TTN: variants seen among roughly 807,000 people sequenced by gnomAD.
TTN encodes the protein titin, also known as connectin.
A neutral mutation model predicts 3,223.0 loss-of-function variants in TTN; 1,525 were observed. That is an observed-to-expected ratio of 0.47 (90% CI 0.45 to 0.49). TTN has a LOEUF of 0.49. Ranked by LOEUF, TTN falls within the 20% of genes least tolerant of loss-of-function variation. TTN has a pLI of 0.00. For missense variants in TTN, 40,786 were observed against 43,424.0 expected (o/e 0.94, Z 5.40); for synonymous variants, 14,094 against 15,161.0 (o/e 0.93, Z 5.17).
In TTN at chr2:178,620,910, C is replaced by T. The variant is rs1457956988; in HGVS notation, c.45700G>A (p.Glu15234Lys). 6 of 1,612,526 alleles carry T rather than the reference C, an allele frequency of 3.7e-6. No homozygotes were observed. The East Asian group carries it at 9.0e-5, about 24-fold the overall frequency. Residue 15234 changes from glutamate (E) to lysine (K), a missense_variant, in exon 247 of 363, where the codon GAA becomes AAA. Glu to Lys is a moderately conservative substitution (Grantham distance 56, BLOSUM62 1). Coordinates refer to ENST00000589042, the MANE Select transcript of TTN (RefSeq NM_001267550.2). Reference protein sequence around the residue: ...EVVFNCEVNTEGAKAKWFRNE... With the variant: ...EVVFNCEVNTKGAKAKWFRNE... ...CTGAACCATTTGGCTTTGGCACCTT[C>T]AGTATTGACTTCACAGTTGAAGACA...
intron 7 of TTN, 143 bp downstream of exon 7, chr2:178,794,778 CT>C: frequency 8.5e-7 from 1 of 1,176,314 alleles, no homozygotes. Flanking sequence ...AGCATGACTA[CT>C]GAATTTGGTC....
At chr2:178,688,604 C>A in intron 126 of TTN, 73 bp downstream of exon 126, 1 of 1,020,084 alleles carries the variant, frequency 9.8e-7, no homozygotes, top group South Asian at 1.3e-5. Flanking sequence ...AGTAAACAAT[C>A]ACATGTGGAA....
In TTN at chr2:178,607,596, C is replaced by A; in HGVS notation, c.53092G>T (p.Gly17698Cys). Residue 17698 changes from glycine to cysteine, a missense_variant, in exon 277 of 363, where the codon GGT becomes TGT. Coordinates refer to ENST00000589042, the MANE Select transcript of TTN (RefSeq NM_001267550.2). ...KTLRIPAVVT[G>C]RPVPTKVWTK... Reference sequence around the variant, plus strand: ...CATACTTTTGTAGGTACAGGGCGACCAGTCACCACAGCTGGAATTCTAAGA... The same window carrying A: ...CATACTTTTGTAGGTACAGGGCGACAAGTCACCACAGCTGGAATTCTAAGA... 1 of 1,613,158 alleles carries A rather than the reference C, an allele frequency of 6.2e-7. No individual in the cohort carries two copies.
chr2:178,650,104 T>C lies in TTN; in HGVS notation c.39817+60A>G, dbSNP rs1441370872. 3.4e-6 allele frequency: 5 copies of C among 1,465,184 alleles called. No homozygotes were observed. In the Admixed American group the frequency reaches 6.9e-5, roughly 20 times the overall value. 90.8% of individuals were successfully genotyped at this position (1,465,184 alleles called of 1,614,324 possible). A position where few individuals can be genotyped will look rare whatever the true frequency, so the allele number is the denominator to read the frequency against. On this transcript the variant is annotated intron_variant, in intron 210 of 362. Transcript: ENST00000589042. The stretch of plus-strand genomic sequence containing the variant: ...GACTGATATTTTGCCTTAAGGAAGA[T>C]ATATAGACATGAAAAATGAAATGAC...
Position 178,581,618 on chromosome 2 carries a change from A to C in TTN, c.66650T>G (p.Phe22217Cys), listed in dbSNP as rs764330098. The change falls in exon 316 of 363, where the codon TTT (phenylalanine) becomes TGT (cysteine). Residue 22217 changes from phenylalanine (F) to cysteine (C), a missense_variant. Transcript: ENST00000589042. ...GTCTTCCATCAGGCCAGTAACCTCA[A>C]AGCGGGTTTTCTGTAGATTCTGTGG... ...NLPQNLQKTR[F>C]EVTGLMEDTQ... 25 of 1,612,682 alleles carry C rather than the reference A, an allele frequency of 1.6e-5. No homozygotes were observed. The highest frequency in any genetic ancestry group is 8.3e-5 in the Admixed American group (5 of 59,928).
At position 178,551,269 on chromosome 2, in the gene TTN, T is replaced by C; in HGVS notation, c.91271-9A>G. 6.2e-7 allele frequency: 1 copy of C among 1,605,084 alleles called. No homozygotes were observed. Among genetic ancestry groups the C allele is most frequent in the Non-Finnish European group, 8.5e-7 (1 of 1,177,748 alleles). On this transcript the variant is annotated splice_polypyrimidine_tract_variant and intron_variant, in intron 335 of 362. Coordinates refer to ENST00000589042, the MANE Select transcript of TTN (RefSeq NM_001267550.2). ...AGGAGTGCCAGGTGGGTCTAAAAAA[T>C]TATAAGGAAGGTAAATGCATCATTA... is the stretch of plus-strand genomic sequence containing the variant.
At position 178,647,040 on chromosome 2, in the gene TTN, GTATATATATA is replaced by G. The variant is rs10580462; in HGVS notation, c.40222+14_40222+23del. The G allele has an allele frequency of 2.7e-6, 2 of 731,396 alleles. No homozygotes were observed. The highest frequency in any genetic ancestry group is 1.9e-5 in the African/African-American group (1 of 52,316). The allele number at this position is 731,396 out of a possible 1,614,324, so 45.3% of individuals were successfully genotyped here. ...GGAATCTTCAGGAGATTAAAAAAAT[GTATATATATA>G]TATATATATATACCTTCAACAGGGG... On this transcript the variant is annotated intron_variant, in intron 215 of 362. Transcript: ENST00000589042.
chr2:178,803,624 T>C lies in TTN; in HGVS notation c.91+928A>G, dbSNP rs567095090. 4.5e-4 allele frequency among the ~76,000 whole-genome samples: 69 copies of C among 152,054 alleles called. 2 individuals carry two copies. The South Asian group carries it at 0.014, about 31-fold the overall frequency. On this transcript the variant is annotated intron_variant, in intron 2 of 362. Transcript: ENST00000589042. Reference sequence around the variant, plus strand: ...AGAGAAAAAAAGAAATTTTATTTTATATCTTTATTATAAGCCATAAAATTT... The same window carrying C: ...AGAGAAAAAAAGAAATTTTATTTTACATCTTTATTATAAGCCATAAAATTT...
Position 178,548,680 on chromosome 2 carries a change from A to G in TTN, c.92946T>C (p.Thr30982=), listed in dbSNP as rs1178846114. ...CATCATTTCTGTTGCAGTTTTCCAC[A>G]GTGAGGGTGCTGAAGGAATCTGTTG... ...IHTTDSFSTL[T]VENCNRNDAG... The change falls in exon 339 of 363, where the codon ACT becomes ACC. Residue 30982 remains threonine (T), a synonymous_variant. Coordinates refer to ENST00000589042, the MANE Select transcript of TTN (RefSeq NM_001267550.2). This position sits in a 1 kb window ranked among gnomAD's most constrained non-coding sequence, Gnocchi z 4.3. 3 of 1,613,738 alleles carry G rather than the reference A, an allele frequency of 1.9e-6. No homozygotes were observed. The highest frequency in any genetic ancestry group is 2.5e-6 in the Non-Finnish European group (3 of 1,179,802).
In TTN at chr2:178,739,290, T is replaced by G. The variant is rs1372025302; in HGVS notation, c.13943A>C (p.Glu4648Ala). The G allele has an allele frequency of 5.0e-6, 8 of 1,612,948 alleles. No homozygotes were observed. The highest frequency in any genetic ancestry group is 6.8e-6 in the Non-Finnish European group (8 of 1,179,274). The change falls in exon 48 of 363, where the codon GAA becomes GCA. Residue 4648 changes from glutamate to alanine, a missense_variant. By Grantham distance (107) the Glu-to-Ala change is moderately radical (BLOSUM62 -1). Transcript: ENST00000589042. ...TTGATCTTGTAAACACTTGAACTTT[T>G]CATCTGAAGGCACCAGTTTATTCTC... is the stretch of plus-strand genomic sequence containing the variant. ...YFENKLVPSD[E>A]KFKCLQDQNT... is the part of the protein sequence containing the mutation.
chr2:178,563,782 A>G lies in TTN; in HGVS notation c.82350T>C (p.Tyr27450=), dbSNP rs1060503941. The change falls in exon 326 of 363, where the codon TAT becomes TAC. Residue 27450 remains tyrosine (Y), a synonymous_variant. Transcript: ENST00000589042. This position sits in a 1 kb window ranked among gnomAD's most constrained non-coding sequence, Gnocchi z 4.5. ...CAGATTCCAAGGGCTCTCCAATTCC[A>G]TATTTATTCACAGCCATGACACGGA... ...YIFRVMAVNK[Y]GIGEPLESGP... is the part of the protein sequence containing the mutation. 6.2e-7 allele frequency: 1 copy of G among 1,613,710 alleles called. No individual in the cohort carries two copies. The highest frequency in any genetic ancestry group is 8.5e-7 in the Non-Finnish European group (1 of 1,179,750).
In TTN at chr2:178,587,310, A is replaced by G. The variant is rs2049236578; in HGVS notation, c.63901T>C (p.Tyr21301His). ...TCTGCCTCACGTTTCTCCACGATAT[A>G]ATGTGTCACTTGGCTCCCACCGTCG... ...ENDGGSQVTH[Y>H]IVEKREADRK... The change falls in exon 307 of 363, where the codon TAT becomes CAT. Residue 21301 changes from tyrosine to histidine, a missense_variant. Coordinates refer to ENST00000589042, the MANE Select transcript of TTN (RefSeq NM_001267550.2). The G allele has an allele frequency of 6.2e-7, 1 of 1,612,766 alleles. No individual in the cohort carries two copies.
At chr2:178,760,777 C>T (rs1230126012) in intron 43 of TTN, among the ~76,000 whole-genome samples, 1 of 151,874 alleles carries the variant, frequency 6.6e-6, no homozygotes, top group Non-Finnish European at 1.5e-5. Flanking sequence ...ACGTTGTCTT[C>T]AATAACACGC....
Position 178,732,838 on chromosome 2 carries a change from C to T in TTN, c.16338G>A (p.Val5446=), listed in dbSNP as rs1437815361. 4 of 1,607,452 alleles carry T rather than the reference C, an allele frequency of 2.5e-6. No individual in the cohort carries two copies. The highest frequency in any genetic ancestry group is 3.4e-6 in the Non-Finnish European group (4 of 1,175,866). ...AATGCAAAGTCTCCAGCCAACCTTG[C>T]ACAATCAGGGCTCCACTGCTGTCTT... ...GSKDSSGALI[V]QEPPSFVTKP... Residue 5446 remains valine, a synonymous_variant, in exon 55 of 363, where the codon GTG becomes GTA. Transcript: ENST00000589042.
intron 316 of TTN, 51 bp from the exon 317 acceptor site, chr2:178,580,660 A>G: frequency 6.5e-7 from 1 of 1,533,528 alleles, no homozygotes. Context: ...AGTCAAATGT[A>G]TTTCCAGGGA....
In TTN at chr2:178,792,236, T is replaced by C. The variant is rs72647855; in HGVS notation, c.1537-39A>G. On this transcript the variant is annotated intron_variant, in intron 9 of 362. Transcript: ENST00000589042. ...TTTAAGAAAAAACTTTATTTCCTGA[T>C]GCCCAATGAAATAATATGGTGTTTA... 1,993 of 1,578,128 alleles carry C rather than the reference T, an allele frequency of 1.3e-3. 3 individuals are homozygous for C. The highest frequency in any genetic ancestry group is 1.6e-3 in the Non-Finnish European group (1,868 of 1,164,772).
intron 134 of TTN, 148 bp downstream of exon 134, chr2:178,683,063 G>T: frequency 3.2e-6 from 3 of 925,238 alleles, no homozygotes; most frequent in Non-Finnish European, 5.1e-6. Context: ...GTATCATAGA[G>T]TATATTTAGC....
chr2:178,694,640 G>A lies in TTN; in HGVS notation c.31385C>T (p.Pro10462Leu). 6.4e-7 allele frequency: 1 copy of A among 1,559,248 alleles called. No individual in the cohort carries two copies. Among genetic ancestry groups the A allele is most frequent in the South Asian group, 1.2e-5 (1 of 83,980 alleles). ...EVSKKIVPQK[P>L]SRTPVQEEVI... ...TTCTTCCTGTACTGGAGTCCGGGAAGGTTTTTGTGGAACAATCTTCTTTGA... is the reference window on the plus strand; with the variant it reads ...TTCTTCCTGTACTGGAGTCCGGGAAAGTTTTTGTGGAACAATCTTCTTTGA... Residue 10462 changes from proline to leucine, a missense_variant, in exon 117 of 363, where the codon CCT becomes CTT. Physicochemically the swap from Pro to Leu is moderately conservative, Grantham distance 98. Coordinates refer to ENST00000589042, the MANE Select transcript of TTN (RefSeq NM_001267550.2).
rs772979195 is a variant in TTN, at chr2:178,580,558, C to T, written c.66821G>A (p.Arg22274His). ...ATATAGTCTCATAGTAACTCCAGCACGTAATATGAGTGTCTTCCTTAAGTC... is the reference window on the plus strand; with the variant it reads ...ATATAGTCTCATAGTAACTCCAGCATGTAATATGAGTGTCTTCCTTAAGTC... Reference protein sequence around the residue: ...DADLRKTLILRAGVTMRLYVP... With the variant: ...DADLRKTLILHAGVTMRLYVP... Residue 22274 changes from arginine (R) to histidine (H), a missense_variant, in exon 317 of 363, where the codon CGT (arginine) becomes CAT (histidine). By Grantham distance (29) the Arg-to-His change is conservative. Transcript: ENST00000589042. 14 of 1,612,572 alleles carry T rather than the reference C, an allele frequency of 8.7e-6. No individual in the cohort carries two copies. The highest frequency in any genetic ancestry group is 6.7e-5 in the East Asian group (3 of 44,624).
Sources: gnomAD v4.1 joint callset for allele counts (sites outside exome capture counted in the v4.1 genomes callset) on GRCh38, gnomAD v4.1.1 for gene constraint, Gnocchi (gnomAD v3.1) non-coding constraint, MANE v1.5 for transcripts, NCBI Gene and HGNC (gene_info 2026-07-23, HGNC 2026-07-21) for gene names.